SLC35F2: variants seen among roughly 807,000 people sequenced by gnomAD.
SLC35F2 encodes the protein queuine/queuosine transporter SLC35F2.
In SLC35F2, 25 loss-of-function variants were observed where a neutral mutation model predicts 38.1. The observed-to-expected ratio is 0.66, with a 90% CI of 0.48 to 0.92. The LOEUF (loss-of-function observed/expected upper bound fraction) is 0.92, where lower values mean the gene tolerates loss of function less well. Among genes scored for constraint, SLC35F2 ranks in the 40% least tolerant of loss-of-function variants. The pLI is 0.00. For synonymous variants in SLC35F2, 173 were observed against 181.7 expected, an observed-to-expected ratio of 0.95 and a Z score of 0.38; for missense variants, 409 against 452.9, an observed-to-expected ratio of 0.90 and a Z score of 0.88.
In SLC35F2 at chr11:107,806,709, C is replaced by T. The variant is rs771432551; in HGVS notation, c.574+8G>A. The T allele has an allele frequency of 1.1e-5, 18 of 1,613,468 alleles. No individual in the cohort carries two copies. Among genetic ancestry groups the T allele is most frequent in the South Asian group, 6.6e-5 (6 of 91,054 alleles). Reference sequence around the variant, plus strand: ...TGATTGAAGCACAAACATGTGACACCGTCTCACCTGAATTGTCTTCCCTCC... The same window carrying T: ...TGATTGAAGCACAAACATGTGACACTGTCTCACCTGAATTGTCTTCCCTCC... On this transcript the variant is annotated splice_region_variant and intron_variant, in intron 4 of 7. Coordinates refer to ENST00000525815, the MANE Select transcript of SLC35F2 (RefSeq NM_017515.5).
intron 1 of SLC35F2, among the ~76,000 whole-genome samples, chr11:107,846,802 C>T (rs965009878): frequency 5.9e-5 from 9 of 151,862 alleles, no homozygotes; most frequent in Non-Finnish European, 8.8e-5. Flanking sequence ...TGGTGGCGGG[C>T]GCCTGTAATC....
At chr11:107,810,472 C>A (rs1859464058) in intron 3 of SLC35F2, 1 of 983,412 alleles carries the variant, frequency 1.0e-6, no homozygotes, top group Non-Finnish European at 1.2e-6. Flanking sequence ...GTAGATGTGA[C>A]AAGAAAATAC....
chr11:107,810,313 ATGAACT>A, intron 3 of SLC35F2: 2 of 985,432 alleles, frequency 2.0e-6, no homozygotes, highest in Middle Eastern at 5.2e-4. Context: ...GAAAGAAGGC[ATGAACT>A]TCAGTCGCAA....
chr11:107,842,128 G>A (rs1250847467), intron 1 of SLC35F2, among the ~76,000 whole-genome samples: 4 of 150,480 alleles, frequency 2.7e-5, no homozygotes, highest in Non-Finnish European at 5.9e-5. Context: ...TTAGCTGGGC[G>A]TGGTGGTGTG....
chr11:107,814,393 T>C (rs1393213741), intron 2 of SLC35F2, among the ~76,000 whole-genome samples: 2 of 150,722 alleles, frequency 1.3e-5, no homozygotes, highest in African/African-American at 4.9e-5. Flanking sequence ...AGGCAGAGAT[T>C]GCAGTGAGCC....
At chr11:107,822,104 G>T (rs1452193835) in intron 1 of SLC35F2, among the ~76,000 whole-genome samples, 1 of 152,152 alleles carries the variant, frequency 6.6e-6, no homozygotes, top group Non-Finnish European at 1.5e-5. Flanking sequence ...TTAACTGGGT[G>T]TGGTGGCACA....
At position 107,791,185 on chromosome 11, in the gene SLC35F2, TAAG is replaced by T. The variant is rs1859124981; in HGVS notation, c.*1427_*1429del. Reference sequence around the variant, plus strand: ...ATCACAGGGCATTACAGATTTTTGATAAGAAGTAGTAATAGCATTGTCTTTTAA... The same window carrying T: ...ATCACAGGGCATTACAGATTTTTGATAAGTAGTAATAGCATTGTCTTTTAA... On this transcript the variant is annotated 3_prime_UTR_variant, in exon 8 of 8. Coordinates refer to ENST00000525815, the MANE Select transcript of SLC35F2 (RefSeq NM_017515.5). 1.3e-5 allele frequency: 2 copies of T among 152,666 alleles called. No individual in the cohort carries two copies. Among genetic ancestry groups the T allele is most frequent in the South Asian group, 4.1e-4 (2 of 4,838 alleles). The allele number at this position is 152,666 out of a possible 1,614,324, so 9.5% of individuals were successfully genotyped here. A position where few individuals can be genotyped will look rare whatever the true frequency, so the allele number is the denominator to read the frequency against.
At chr11:107,801,254 G>A (rs1273256471) in intron 7 of SLC35F2, among the ~76,000 whole-genome samples, 1 of 152,014 alleles carries the variant, frequency 6.6e-6, no homozygotes, top group Non-Finnish European at 1.5e-5. Context: ...TGCCCATTTC[G>A]CTTTCATCGT....
chr11:107,829,077 C>G lies in SLC35F2; in HGVS notation c.111-13112G>C, dbSNP rs576283714. Among the ~76,000 whole-genome samples, 8 of 150,298 alleles carry G rather than the reference C, an allele frequency of 5.3e-5. No homozygotes were observed. The East Asian group carries it at 1.4e-3, about 26-fold the overall frequency. Reference sequence around the variant, plus strand: ...GAGCCAAGATCACGCCACTGCACTCCAGCCTGGGCGACAGAGTGAGACTGT... The same window carrying G: ...GAGCCAAGATCACGCCACTGCACTCGAGCCTGGGCGACAGAGTGAGACTGT... On this transcript the variant is annotated intron_variant, in intron 1 of 7. Coordinates refer to ENST00000525815, the MANE Select transcript of SLC35F2 (RefSeq NM_017515.5).
At chr11:107,856,595 G>T (rs1860284696) in intron 1 of SLC35F2, among the ~76,000 whole-genome samples, 1 of 152,172 alleles carries the variant, frequency 6.6e-6, no homozygotes, top group Admixed American at 6.5e-5. Context: ...TACTTCGGAG[G>T]CTGAGGCAGG....
chr11:107,797,389 G>T (rs1456957145), intron 7 of SLC35F2, among the ~76,000 whole-genome samples: 2 of 151,858 alleles, frequency 1.3e-5, no homozygotes, highest in Non-Finnish European at 2.9e-5. Context: ...AGAGAGAGAA[G>T]AAAAAGCAAG....
intron 1 of SLC35F2, among the ~76,000 whole-genome samples, chr11:107,843,989 A>G (rs1450350452): frequency 2.0e-5 from 3 of 150,326 alleles, no homozygotes; most frequent in East Asian, 3.9e-4. Flanking sequence ...TTTCCATGCA[A>G]CTAGGGTCTA....
At chr11:107,825,695 C>T (rs1381900740) in intron 1 of SLC35F2, among the ~76,000 whole-genome samples, 1 of 151,982 alleles carries the variant, frequency 6.6e-6, no homozygotes, top group Non-Finnish European at 1.5e-5. Flanking sequence ...CTAAGAAGCT[C>T]TCAGGAGATA....
At chr11:107,839,608 CTT>C (rs747942867) in intron 1 of SLC35F2, among the ~76,000 whole-genome samples, 1 of 152,140 alleles carries the variant, frequency 6.6e-6, no homozygotes. Flanking sequence ...GTATGATATC[CTT>C]CTCTTTGTCA....
chr11:107,858,190 C>G (rs532479624), intron 1 of SLC35F2, among the ~76,000 whole-genome samples: 1 of 152,346 alleles, frequency 6.6e-6, no homozygotes, highest in African/African-American at 2.4e-5. Context: ...AAAACTTAAC[C>G]AGGATTTCTC....
intron 2 of SLC35F2, among the ~76,000 whole-genome samples, chr11:107,813,503 G>A (rs1356557610): frequency 6.6e-6 from 1 of 152,070 alleles, no homozygotes; most frequent in African/African-American, 2.4e-5. Context: ...CACAGAATTA[G>A]TCTTCCTCAG....
chr11:107,854,819 G>A (rs1860252131), intron 1 of SLC35F2, among the ~76,000 whole-genome samples: 1 of 152,054 alleles, frequency 6.6e-6, no homozygotes, highest in Admixed American at 6.6e-5. Flanking sequence ...GCCTCTTCTT[G>A]CCCCTTTTTG....
intron 1 of SLC35F2, among the ~76,000 whole-genome samples, chr11:107,843,866 AAAATATATATATATATATAT>A (rs1233854926): frequency 2.3e-4 from 9 of 38,474 alleles, no homozygotes; most frequent in Admixed American, 7.9e-4. Context: ...AAAAAAAAAA[AAAATATATATATATATATAT>A]ATATATATAT....
rs1307463408 is a variant in SLC35F2, at chr11:107,847,046, A to G, written c.110+11612T>C. ...GATGATCTTCAGTAAATAATGGCATAGGTTTTCATAGCTTTTCTTTTACAG... is the reference window on the plus strand; with the variant it reads ...GATGATCTTCAGTAAATAATGGCATGGGTTTTCATAGCTTTTCTTTTACAG... On this transcript the variant is annotated intron_variant, in intron 1 of 7. Coordinates refer to ENST00000525815, the MANE Select transcript of SLC35F2 (RefSeq NM_017515.5). Among the ~76,000 whole-genome samples, 5 of 152,090 alleles carry G rather than the reference A, an allele frequency of 3.3e-5. No homozygotes were observed. In the East Asian group the frequency reaches 9.6e-4, roughly 29 times the overall value.
Sources: allele counts gnomAD v4.1 joint callset (sites outside exome capture counted in the v4.1 genomes callset), GRCh38; gene constraint gnomAD v4.1.1; transcripts MANE v1.5; gene names NCBI Gene and HGNC (gene_info 2026-07-23, HGNC 2026-07-21).